MALRD1: variants seen among roughly 807,000 people sequenced by gnomAD.
MALRD1 encodes the protein MAM and LDL receptor class A domain containing 1, also known as MAM and LDL-receptor class A domain-containing protein 1.
MALRD1 carries 247 observed loss-of-function variants against 242.1 expected under a neutral mutation model. That is an observed-to-expected ratio of 1.02 (90% CI 0.92 to 1.13). The LOEUF is 1.13. Ranked by LOEUF, MALRD1 falls within the 50% of genes most tolerant of loss-of-function variation. The pLI is 0.00. For synonymous variants in MALRD1, 995 were observed against 866.6 expected, an observed-to-expected ratio of 1.15 and a Z score of -2.60; for missense variants, 2,989 against 2,533.1, an observed-to-expected ratio of 1.18 and a Z score of -3.86.
At chr10:19,561,596 A>G (rs1208912032) in intron 32 of MALRD1, among the ~76,000 whole-genome samples, 2 of 152,216 alleles carry the variant, frequency 1.3e-5, no homozygotes, top group African/African-American at 2.4e-5. Context: ...CTGCTATAAC[A>G]ATGCCTTTGA....
chr10:19,070,915 G>C (rs1835126726), intron 2 of MALRD1, among the ~76,000 whole-genome samples: 1 of 126,354 alleles, frequency 7.9e-6, no homozygotes, highest in South Asian at 2.7e-4. Flanking sequence ...GTAGTGGTGT[G>C]ATCTCAGCTC....
chr10:19,491,284 T>C (rs1837482264), intron 29 of MALRD1: 2 of 710,480 alleles, frequency 2.8e-6, no homozygotes, highest in Non-Finnish European at 4.6e-6. Context: ...GGCAAGGAGA[T>C]TTTCAGCACC....
intron 4 of MALRD1, among the ~76,000 whole-genome samples, chr10:19,096,476 G>T (rs1350415909): frequency 6.6e-6 from 1 of 152,132 alleles, no homozygotes; most frequent in Non-Finnish European, 1.5e-5. Flanking sequence ...GAAACCATAC[G>T]ACTCTCTCGG....
At chr10:19,567,393 G>A (rs1836302497) in intron 32 of MALRD1, 109 bp from the exon 33 acceptor site, 4 of 895,160 alleles carry the variant, frequency 4.5e-6, no homozygotes, top group South Asian at 1.7e-5. Flanking sequence ...AATAGTCAAT[G>A]TATTGAGCTG....
chr10:19,068,387 T>C (rs1835043990), intron 2 of MALRD1, among the ~76,000 whole-genome samples: 1 of 152,008 alleles, frequency 6.6e-6, no homozygotes, highest in East Asian at 1.9e-4. Context: ...TGAGATGTTG[T>C]ATAGGCAGAT....
Position 19,204,918 on chromosome 10 carries a change from C to T in MALRD1, c.2231C>T (p.Ser744Leu). ...LSFWFYNYGL[S>L]VGAAELQLHM... Reference sequence around the variant, plus strand: ...TTTAGGTTCTATAACTATGGCCTGTCAGTGGGAGCAGCTGAGCTGCAGCTA... The same window carrying T: ...TTTAGGTTCTATAACTATGGCCTGTTAGTGGGAGCAGCTGAGCTGCAGCTA... Residue 744 changes from serine (S) to leucine (L), a missense_variant, in exon 17 of 40, where the codon TCA becomes TTA. Ser to Leu is a moderately radical substitution (Grantham distance 145). Coordinates refer to ENST00000454679, the MANE Select transcript of MALRD1 (RefSeq NM_001142308.3). 1 of 1,548,698 alleles carries T rather than the reference C, an allele frequency of 6.5e-7. No homozygotes were observed. The highest frequency in any genetic ancestry group is 1.2e-5 in the South Asian group (1 of 83,952).
intron 36 of MALRD1, among the ~76,000 whole-genome samples, chr10:19,651,418 C>T (rs947552754): frequency 5.9e-5 from 9 of 151,962 alleles, no homozygotes; most frequent in African/African-American, 1.9e-4. Flanking sequence ...TTAAGGTAGG[C>T]CAATGCATCC....
At chr10:19,132,092 C>G (rs1430178316) in intron 8 of MALRD1, among the ~76,000 whole-genome samples, 1 of 152,150 alleles carries the variant, frequency 6.6e-6, no homozygotes, top group Admixed American at 6.5e-5. Flanking sequence ...AAGAACACTG[C>G]TCACTTTTCA....
chr10:19,236,572 C>G (rs1838325692), intron 18 of MALRD1, among the ~76,000 whole-genome samples: 1 of 152,148 alleles, frequency 6.6e-6, no homozygotes, highest in Non-Finnish European at 1.5e-5. Flanking sequence ...CTCACTCTTA[C>G]TTCCTAAGTT....
intron 1 of MALRD1, chr10:19,052,216 CT>C: frequency 3.5e-6 from 1 of 283,100 alleles, no homozygotes; most frequent in Non-Finnish European, 6.9e-6. Flanking sequence ...ACCACAGGCC[CT>C]TCCCCTTTCC....
chr10:19,666,027 G>C (rs2018712), intron 36 of MALRD1, among the ~76,000 whole-genome samples: 13,407 of 152,020 alleles, frequency 0.088, 1,446 homozygotes, highest in African/African-American at 0.26. Context: ...AGGGAGATAG[G>C]TGTCCTCTTC....
chr10:19,635,944 A>G (rs1840107992), intron 36 of MALRD1, among the ~76,000 whole-genome samples: 2 of 151,942 alleles, frequency 1.3e-5, no homozygotes, highest in South Asian at 4.2e-4. Context: ...TCTGTCACCC[A>G]GGCTGGAGTG....
chr10:19,156,186 C>A (rs1050693156), intron 12 of MALRD1, among the ~76,000 whole-genome samples: 6 of 152,120 alleles, frequency 3.9e-5, no homozygotes, highest in Admixed American at 2.6e-4. Context: ...GAGGTATAAA[C>A]CTAATTATAC....
At chr10:19,464,994 TC>T (rs1836148929) in intron 29 of MALRD1, among the ~76,000 whole-genome samples, 1 of 151,318 alleles carries the variant, frequency 6.6e-6, no homozygotes, top group Non-Finnish European at 1.5e-5. Flanking sequence ...GTGGTTGAGT[TC>T]TTGATTTGAT....
chr10:19,335,393 T>C (rs1168223762), intron 24 of MALRD1, among the ~76,000 whole-genome samples: 1 of 151,894 alleles, frequency 6.6e-6, no homozygotes, highest in Admixed American at 6.6e-5. Context: ...CATTGCTAAT[T>C]TTTTTTTAAA....
chr10:19,109,642 G>A (rs1279936125), intron 5 of MALRD1, among the ~76,000 whole-genome samples: 1 of 152,212 alleles, frequency 6.6e-6, no homozygotes, highest in Non-Finnish European at 1.5e-5. Context: ...GATGGAGAAT[G>A]GCACACTACC....
At chr10:19,304,008 G>T (rs184904229) in intron 21 of MALRD1, among the ~76,000 whole-genome samples, 1 of 151,818 alleles carries the variant, frequency 6.6e-6, no homozygotes, top group Admixed American at 6.6e-5. Context: ...ACTGGGTTAA[G>T]GGATACTGGG....
chr10:19,467,317 T>C (rs1836265385), intron 29 of MALRD1, among the ~76,000 whole-genome samples: 2 of 132,556 alleles, frequency 1.5e-5, no homozygotes, highest in Admixed American at 9.4e-5. Context: ...ATCGCGCCAC[T>C]GCACTCCAGC....
At chr10:19,396,700 A>G (rs1002573062) in intron 28 of MALRD1, among the ~76,000 whole-genome samples, 3 of 152,128 alleles carry the variant, frequency 2.0e-5, no homozygotes, top group Non-Finnish European at 2.9e-5. Flanking sequence ...TTGTCCCTCA[A>G]AGTTTTCCAG....
Sources: allele counts gnomAD v4.1 joint callset (sites outside exome capture counted in the v4.1 genomes callset), GRCh38; gene constraint gnomAD v4.1.1; transcripts MANE v1.5; gene names NCBI Gene and HGNC (gene_info 2026-07-23, HGNC 2026-07-21).